The following PLA2R1 variants were observed in gnomAD, a reference collection of about 807,000 sequenced individuals.
The protein encoded by PLA2R1 is secretory phospholipase A2 receptor.
A neutral mutation model predicts 195.9 loss-of-function variants in PLA2R1; 158 were observed. The observed-to-expected ratio is 0.81, with a 90% CI of 0.71 to 0.92. PLA2R1 has a LOEUF of 0.92. Among genes scored for constraint, PLA2R1 ranks in the 40% least tolerant of loss-of-function variants. The pLI, the probability that PLA2R1 is intolerant of heterozygous loss-of-function variation, is 0.00. For synonymous variants in PLA2R1, 586 were observed against 598.2 expected (o/e 0.98, Z 0.30); for missense variants, 1,626 against 1,764.6 (o/e 0.92, Z 1.41).
downstream of PLA2R1, among the ~76,000 whole-genome samples, chr2:159,927,866 T>C (rs939556110): frequency 9.2e-5 from 14 of 152,236 alleles, no homozygotes; most frequent in Admixed American, 9.2e-4. Flanking sequence ...TTAGTTCTCA[T>C]GTATTGCCAC....
chr2:160,049,032 G>A (rs553104683), intron 1 of PLA2R1, among the ~76,000 whole-genome samples: 2 of 151,770 alleles, frequency 1.3e-5, no homozygotes, highest in East Asian at 1.9e-4. Flanking sequence ...TAGTAGAGAC[G>A]GGGTTTCACC....
chr2:160,039,377 T>C (rs1053866031), intron 3 of PLA2R1, among the ~76,000 whole-genome samples: 1 of 152,172 alleles, frequency 6.6e-6, no homozygotes, highest in Non-Finnish European at 1.5e-5. Context: ...CTGTGTGTCA[T>C]CCTTTTTGCT....
At chr2:159,993,453 TACACAC>T (rs3063677) in intron 11 of PLA2R1, among the ~76,000 whole-genome samples, 6 of 148,316 alleles carry the variant, frequency 4.0e-5, no homozygotes, top group East Asian at 2.0e-4. Context: ...GTGTTTAATT[TACACAC>T]ACACACACAC....
chr2:159,957,315 G>C (rs1688154200), intron 20 of PLA2R1, among the ~76,000 whole-genome samples: 1 of 152,154 alleles, frequency 6.6e-6, no homozygotes, highest in Non-Finnish European at 1.5e-5. Flanking sequence ...TTATGCAAGA[G>C]AGAATCATGT....
chr2:160,005,805 T>A lies in PLA2R1; in HGVS notation c.1681A>T (p.Ile561Phe). 1 of 1,611,964 alleles carries A rather than the reference T, an allele frequency of 6.2e-7. No homozygotes were observed. The highest frequency in any genetic ancestry group is 2.2e-5 in the East Asian group (1 of 44,870). Residue 561 changes from isoleucine to phenylalanine, a missense_variant, in exon 11 of 30, where the codon ATT becomes TTT. Physicochemically the swap from Ile to Phe is conservative, Grantham distance 21. Transcript: ENST00000283243. ...ACCACACTACTGATCAAACTGGTAA[T>A]AAAAGCCTGTTCAAACCTTAAAAGG... ...TITNRFEQAFITSLISSVVKM... is the reference protein window; with the variant it reads ...TITNRFEQAFFTSLISSVVKM...
In PLA2R1 at chr2:160,028,140, C is replaced by CA. The variant is rs1200326126; in HGVS notation, c.1099+77dup. The CA allele has an allele frequency of 1.9e-5, 18 of 958,682 alleles. No homozygotes were observed. The Admixed American group carries it at 4.7e-4, about 25-fold the overall frequency. The allele number at this position is 958,682 out of a possible 1,614,324, so 59.4% of individuals were successfully genotyped here. A position where few individuals can be genotyped will look rare whatever the true frequency, so the allele number is the denominator to read the frequency against. On this transcript the variant is annotated intron_variant, in intron 6 of 29. Coordinates refer to ENST00000283243, the MANE Select transcript of PLA2R1 (RefSeq NM_007366.5). ...CTAAGTTTACATTATGAATTATTAGCAAAAAATAGAGAAATTTACATATAT... is the reference window on the plus strand; with the variant it reads ...CTAAGTTTACATTATGAATTATTAGCAAAAAAATAGAGAAATTTACATATAT...
At chr2:160,055,646 G>C (rs553167945) in intron 1 of PLA2R1, among the ~76,000 whole-genome samples, 1 of 152,326 alleles carries the variant, frequency 6.6e-6, no homozygotes, top group South Asian at 2.1e-4. Context: ...CTTTGCATTA[G>C]TGCAGAGTGC....
At chr2:159,943,939 T>C (rs1196084746) in intron 28 of PLA2R1, among the ~76,000 whole-genome samples, 2 of 152,098 alleles carry the variant, frequency 1.3e-5, no homozygotes, top group Non-Finnish European at 2.9e-5. Flanking sequence ...TCTCTCTTCC[T>C]ATTTCTCCCC....
chr2:159,931,287 T>C (rs959571997), downstream of PLA2R1, among the ~76,000 whole-genome samples: 6 of 152,222 alleles, frequency 3.9e-5, no homozygotes, highest in Non-Finnish European at 8.8e-5. Flanking sequence ...CCTAGCACTT[T>C]GACAGGGTGA....
At chr2:159,987,407 T>C (rs1212915603) in intron 11 of PLA2R1, 49 bp from the exon 12 acceptor site, 2 of 1,355,394 alleles carry the variant, frequency 1.5e-6, no homozygotes, top group Admixed American at 3.9e-5. Context: ...TAAAACGTTT[T>C]GTGCTCAGAA....
At chr2:160,005,209 C>A (rs1032701411) in intron 11 of PLA2R1, among the ~76,000 whole-genome samples, 1 of 152,198 alleles carries the variant, frequency 6.6e-6, no homozygotes, top group African/African-American at 2.4e-5. Context: ...AATCCCAGCA[C>A]TTTGGGAGGC....
At position 159,935,244 on chromosome 2, in the gene PLA2R1, G is replaced by C. The variant is rs1327419705; in HGVS notation, c.*6534C>G. ...TTATTACTTTCTCTTTGTAATTAGTGATTATTTTGGGGAAAATACTCTAAG... is the reference window on the plus strand; with the variant it reads ...TTATTACTTTCTCTTTGTAATTAGTCATTATTTTGGGGAAAATACTCTAAG... On this transcript the variant is annotated 3_prime_UTR_variant, in exon 30 of 30. Transcript: ENST00000283243. 1 of 152,140 alleles carries C rather than the reference G, an allele frequency of 6.6e-6. No individual in the cohort carries two copies. The highest frequency in any genetic ancestry group is 1.9e-4 in the East Asian group (1 of 5,198). The allele number at this position is 152,140 out of a possible 1,614,324, so 9.4% of individuals were successfully genotyped here.
chr2:159,964,952 G>T (rs1431520317), intron 20 of PLA2R1, among the ~76,000 whole-genome samples: 1 of 151,968 alleles, frequency 6.6e-6, no homozygotes, highest in Non-Finnish European at 1.5e-5. Context: ...ACTTGAACCT[G>T]GGAGATAAAG....
intron 11 of PLA2R1, among the ~76,000 whole-genome samples, chr2:159,998,556 T>G (rs1691384343): frequency 6.6e-6 from 1 of 152,136 alleles, no homozygotes; most frequent in African/African-American, 2.4e-5. Context: ...CTAATATTTT[T>G]CGATCCAAAA....
chr2:159,971,240 G>T (rs1689152676), intron 17 of PLA2R1, among the ~76,000 whole-genome samples: 1 of 152,054 alleles, frequency 6.6e-6, no homozygotes, highest in African/African-American at 2.4e-5. Flanking sequence ...GAGTGATATA[G>T]TTATCACCAA....
rs138024603 is a variant in PLA2R1 at position 160,005,399 on chromosome 2, C to A, written c.1834+253G>T. Among the ~76,000 whole-genome samples the A allele has an allele frequency of 1.4e-4, 21 of 152,284 alleles. 2 individuals carry two copies. The East Asian group carries it at 4.1e-3, about 29-fold the overall frequency. On this transcript the variant is annotated intron_variant, in intron 11 of 29. Transcript: ENST00000283243. ...GCAGTGAACCGAGATTGCACCACTG[C>A]ACTCCAGGCTGGGTGACAGAGCGAG...
intron 10 of PLA2R1, among the ~76,000 whole-genome samples, chr2:160,013,041 T>C (rs1468092850): frequency 6.6e-6 from 1 of 152,200 alleles, no homozygotes; most frequent in Non-Finnish European, 1.5e-5. Context: ...TCTTTACAGA[T>C]AGTAAAGGTC....
In PLA2R1 at chr2:159,944,909, C is replaced by T; in HGVS notation, c.4141G>A (p.Ala1381Thr). 6.2e-7 allele frequency: 1 copy of T among 1,609,664 alleles called. No individual in the cohort carries two copies. The highest frequency in any genetic ancestry group is 2.2e-5 in the East Asian group (1 of 44,818). ...ATTACTCTCTGACTTTACCTACCTG[C>T]CTCCATTTTACATATAAAGCCTTTT... ...EKKGFICKMEADIHTAEALPE... is the reference protein window; with the variant it reads ...EKKGFICKMETDIHTAEALPE... The change falls in exon 28 of 30, where the codon GCA becomes ACA. Residue 1381 changes from alanine to threonine, a missense_variant. Coordinates refer to ENST00000283243, the MANE Select transcript of PLA2R1 (RefSeq NM_007366.5).
At chr2:159,985,988 C>A (rs1690297989) in intron 12 of PLA2R1, among the ~76,000 whole-genome samples, 1 of 151,984 alleles carries the variant, frequency 6.6e-6, no homozygotes, top group Non-Finnish European at 1.5e-5. Context: ...GATATAAAAC[C>A]CCGAGAGAAG....
Sources: gnomAD v4.1 joint callset for allele counts (sites outside exome capture counted in the v4.1 genomes callset) on GRCh38, gnomAD v4.1.1 for gene constraint, MANE v1.5 for transcripts, NCBI Gene and HGNC (gene_info 2026-07-23, HGNC 2026-07-21) for gene names.